The following EGFL6 variants were observed in gnomAD, a reference collection of about 807,000 sequenced individuals.
EGFL6 encodes the protein epidermal growth factor-like protein 6.
Under a neutral mutation model 43.1 loss-of-function variants are expected in EGFL6, and 42 were observed. The observed-to-expected ratio is 0.98, with a 90% CI of 0.76 to 1.26. EGFL6 has a LOEUF of 1.26. Ranked by LOEUF, EGFL6 falls within the 50% of genes most tolerant of loss-of-function variation. EGFL6 has a pLI of 0.00. For synonymous variants in EGFL6, 164 were observed against 163.2 expected (o/e 1.01, Z -0.04); for missense variants, 429 against 427.8 (o/e 1.00, Z -0.02).
intron 2 of EGFL6, among the ~76,000 whole-genome samples, chrX:13,591,359 A>G (rs1404596328): frequency 9.0e-6 from 1 of 111,674 alleles, no homozygotes; most frequent in Non-Finnish European, 1.9e-5. Flanking sequence ...GAATAAATGA[A>G]GGCAAGGTGT....
chrX:13,595,818 C>G (rs1429553273), intron 3 of EGFL6, among the ~76,000 whole-genome samples: 2 of 108,798 alleles, frequency 1.8e-5, no homozygotes. Context: ...CACCTGGGCT[C>G]TAGCAATCCT....
rs199623111 is a variant in EGFL6, at chrX:13,608,354, C to T, written c.686C>T (p.Thr229Met). ...AATGAATGTACTATGGATAGCCATA[C>T]GTGCAGCCACCATGCCAATTGCTTC... ...DINECTMDSH[T>M]CSHHANCFNT... The change falls in exon 7 of 12, where the codon ACG (threonine) becomes ATG (methionine). Residue 229 changes from threonine (T) to methionine (M), a missense_variant. Transcript: ENST00000361306. The T allele has an allele frequency of 1.7e-4, 210 of 1,205,838 alleles. 1 individual carries two copies. The highest frequency in any genetic ancestry group is 5.1e-4 in the South Asian group (29 of 56,635).
chrX:13,587,298 C>T (rs1449220542), intron 1 of EGFL6, among the ~76,000 whole-genome samples: 1 of 112,005 alleles, frequency 8.9e-6, no homozygotes, highest in Non-Finnish European at 1.9e-5. Flanking sequence ...TTTGGACTGG[C>T]ACTTATTTAC....
At chrX:13,624,136 C>T (rs893540515) in intron 10 of EGFL6, among the ~76,000 whole-genome samples, 24 of 111,376 alleles carry the variant, frequency 2.2e-4, no homozygotes, top group Non-Finnish European at 3.2e-4. Flanking sequence ...ACACCTGCCA[C>T]CACAAAGGAT....
At chrX:13,580,833 C>T (rs2045501680) in intron 1 of EGFL6, among the ~76,000 whole-genome samples, 1 of 112,189 alleles carries the variant, frequency 8.9e-6, no homozygotes, top group Admixed American at 9.5e-5. Flanking sequence ...ACATAAATGG[C>T]TCTACTTGAC....
intron 7 of EGFL6, 21 bp downstream of exon 7, chrX:13,608,467 G>C (rs2045672592): frequency 1.7e-6 from 2 of 1,203,007 alleles, no homozygotes; most frequent in South Asian, 1.8e-5. Flanking sequence ...TTTGGTCATG[G>C]TGTCTTAGCT....
chrX:13,574,195 A>G (rs1353097437), intron 1 of EGFL6, among the ~76,000 whole-genome samples: 2 of 112,319 alleles, frequency 1.8e-5, no homozygotes, highest in South Asian at 3.7e-4. Flanking sequence ...TGTAATCCCA[A>G]CAGTCATTGG....
chrX:13,633,071 T>G lies in EGFL6; in HGVS notation c.1638T>G (p.Asp546Glu). The G allele has an allele frequency of 1.7e-6, 2 of 1,200,782 alleles. No homozygotes were observed. The highest frequency in any genetic ancestry group is 2.2e-6 in the Non-Finnish European group (2 of 891,531). The change falls in exon 12 of 12, where the codon GAT (aspartate) becomes GAG (glutamate). Residue 546 changes from aspartate (D) to glutamate (E), a missense_variant. Physicochemically the swap from Asp to Glu is conservative, Grantham distance 45 (BLOSUM62 2). Coordinates refer to ENST00000361306, the MANE Select transcript of EGFL6 (RefSeq NM_015507.4). ...TGCTTGTTTCAGGCTTATGTCCAGA[T>G]AGCCTTTTATCTGTGGATGACTGAA... is the stretch of plus-strand genomic sequence containing the variant. Reference protein sequence around the residue: ...GVLLVSGLCPDSLLSVDD With the variant: ...GVLLVSGLCPESLLSVDD
intron 1 of EGFL6, among the ~76,000 whole-genome samples, chrX:13,579,720 T>C (rs1475895226): frequency 9.0e-6 from 1 of 111,349 alleles, no homozygotes; most frequent in African/African-American, 3.3e-5. Context: ...ATCGCCATAC[T>C]GCTTGGGCTT....
chrX:13,582,330 G>A (rs1250316331), intron 1 of EGFL6, among the ~76,000 whole-genome samples: 2 of 110,203 alleles, frequency 1.8e-5, no homozygotes, highest in African/African-American at 6.6e-5. Context: ...CAAAGTGCTG[G>A]GATTACAGGC....
intron 6 of EGFL6, among the ~76,000 whole-genome samples, chrX:13,607,179 A>G (rs1430892457): frequency 9.0e-6 from 1 of 111,327 alleles, no homozygotes; most frequent in Non-Finnish European, 1.9e-5. Flanking sequence ...GAGGTGGGGT[A>G]TTTGGGGAGA....
rs138875572 is a variant in EGFL6, at chrX:13,594,870, C to A, written c.222C>A (p.Cys74Ter). ...AACCTGGATGTAAGTTTGGTGAGTG[C>A]GTGGGACCAAACAAATGCAGATGCT... ...TCEPGCKFGE[C>*]VGPNKCRCFP... Residue 74 changes from cysteine to a stop codon, truncating the protein, a stop_gained, in exon 3 of 12, where the codon TGC (cysteine) becomes TGA (stop). Transcript: ENST00000361306. LOFTEE classifies it high-confidence loss of function. 3 of 1,210,545 alleles carry A rather than the reference C, an allele frequency of 2.5e-6. No homozygotes were observed. In the Admixed American group the frequency reaches 6.5e-5, roughly 26 times the overall value.
chrX:13,607,382 C>A (rs747809398), intron 6 of EGFL6, among the ~76,000 whole-genome samples: 1 of 111,926 alleles, frequency 8.9e-6, no homozygotes, highest in African/African-American at 3.3e-5. Flanking sequence ...TCCCAGGACA[C>A]GTCTTGTGTA....
intron 1 of EGFL6, among the ~76,000 whole-genome samples, chrX:13,579,517 T>A (rs1255688518): frequency 8.9e-6 from 1 of 111,741 alleles, no homozygotes; most frequent in Non-Finnish European, 1.9e-5. Context: ...TTTGGTTGAT[T>A]CCATGTCTTT....
rs1391370363 is a variant in EGFL6 at position 13,623,816 on chromosome X, T to C, written c.1184-8T>C. On this transcript the variant is annotated splice_region_variant and splice_polypyrimidine_tract_variant and intron_variant, in intron 9 of 11. Transcript: ENST00000361306. ...GGGGTTATGAAATATGTTCTTTCTT[T>C]TTAGCAGATTTAAATATCTCGGTTG... 6 of 1,190,162 alleles carry C rather than the reference T, an allele frequency of 5.0e-6. No homozygotes were observed. Among genetic ancestry groups the C allele is most frequent in the Non-Finnish European group, 6.8e-6 (6 of 876,418 alleles).
rs753473202 is a variant in EGFL6, at chrX:13,603,268, CT to C, written c.401-44del. On this transcript the variant is annotated intron_variant, in intron 4 of 11. Transcript: ENST00000361306. ...TTTGGTGATAGTTTCTTAGTAAGCT[CT>C]TTTTATCATCTCAAGAGAGAAAGGC... The C allele has an allele frequency of 1.4e-5, 16 of 1,135,809 alleles. No individual in the cohort carries two copies. The South Asian group carries it at 3.6e-4, about 26-fold the overall frequency. The allele number at this position is 1,135,809 out of a possible 1,213,427, so 93.6% of individuals were successfully genotyped here. A position where few individuals can be genotyped will look rare whatever the true frequency, so the allele number is the denominator to read the frequency against.
intron 7 of EGFL6, among the ~76,000 whole-genome samples, chrX:13,610,838 G>C (rs2045685276): frequency 9.0e-6 from 1 of 111,179 alleles, no homozygotes; most frequent in Admixed American, 9.6e-5. Context: ...TAGTACTGTG[G>C]TGGGTTCTTG....
In EGFL6 at chrX:13,608,447, G is replaced by C; in HGVS notation, c.778+1G>C. ...AAAGGCAATGGACTTCGGTGTTCTG[G>C]TAAGTAGCATTTGGTCATGGTGTCT... On this transcript the variant is annotated splice_donor_variant, in intron 7 of 11. Coordinates refer to ENST00000361306, the MANE Select transcript of EGFL6 (RefSeq NM_015507.4). LOFTEE classifies it high-confidence loss of function. 8.3e-7 allele frequency: 1 copy of C among 1,209,561 alleles called. No homozygotes were observed. The highest frequency in any genetic ancestry group is 1.1e-6 in the Non-Finnish European group (1 of 894,077).
At chrX:13,606,319 G>A (rs940272801) in intron 5 of EGFL6, 60 bp from the exon 6 acceptor site, 31 of 1,152,839 alleles carry the variant, frequency 2.7e-5, no homozygotes, top group Admixed American at 1.1e-4. Context: ...GTGTGCGTGC[G>A]TGCATGTATG....
Sources: gnomAD v4.1 joint callset for allele counts (sites outside exome capture counted in the v4.1 genomes callset) on GRCh38, gnomAD v4.1.1 for gene constraint, MANE v1.5 for transcripts, NCBI Gene and HGNC (gene_info 2026-07-23, HGNC 2026-07-21) for gene names.